The following INSIG2 variants were observed in gnomAD, a reference collection of about 807,000 sequenced individuals.
The protein encoded by INSIG2 is insulin induced gene 2, also known as insulin-induced gene 2 protein.
INSIG2 carries 10 observed loss-of-function variants against 27.2 expected under a neutral mutation model. The ratio of observed to expected loss-of-function variants is 0.37; its 90% CI spans 0.23 to 0.62. INSIG2 has a LOEUF of 0.62. INSIG2 is among the 20% of genes least tolerant of loss of function. The probability of loss-of-function intolerance (pLI) is 0.65; values close to 1 mark genes in which losing one functional copy is unlikely to be tolerated. For missense variants in INSIG2, 178 were observed against 270.2 expected (o/e 0.66, Z 2.39); for synonymous variants, 97 against 95.8 (o/e 1.01, Z -0.07).
intron 3 of INSIG2, among the ~76,000 whole-genome samples, chr2:118,106,023 G>A (rs953303177): frequency 6.6e-6 from 1 of 152,184 alleles, no homozygotes; most frequent in African/African-American, 2.4e-5. Context: ...GCTTAAGTAG[G>A]TGATGAAAAT....
Position 118,096,518 on chromosome 2 carries a change from A to ATTT in INSIG2, c.-28_-26dup. 21 of 1,385,400 alleles carry ATTT rather than the reference A, an allele frequency of 1.5e-5. No individual in the cohort carries two copies. The highest frequency in any genetic ancestry group is 4.4e-5 in the Admixed American group (2 of 45,002). The allele number at this position is 1,385,400 out of a possible 1,614,324, so 85.8% of individuals were successfully genotyped here. A position where few individuals can be genotyped will look rare whatever the true frequency, so the allele number is the denominator to read the frequency against. The stretch of plus-strand genomic sequence containing the variant: ...AGCTTTTCAGCTGGGAAGCCTTTCC[A>ATTT]TTTTTTTTTTTTTAACGGCTTTCTG... On this transcript the variant is annotated 5_prime_UTR_variant, in exon 2 of 6. Transcript: ENST00000245787.
rs78663648 is a variant in INSIG2, at chr2:118,108,816, A to C, written c.*494A>C. On this transcript the variant is annotated 3_prime_UTR_variant, in exon 6 of 6. Transcript: ENST00000245787. ...ACTGTTGTGCCTTTTTATTTTTCTA[A>C]TCACAGCAGTATGAGTTATGAGTGC... 0.031 allele frequency: 4,767 copies of C among 152,622 alleles called. 94 individuals are homozygous for C. Among genetic ancestry groups the C allele is most frequent in the Middle Eastern group, 0.075 (22 of 292 alleles). 9.5% of individuals were successfully genotyped at this position (152,622 alleles called of 1,614,324 possible). A position where few individuals can be genotyped will look rare whatever the true frequency, so the allele number is the denominator to read the frequency against.
At chr2:118,098,610 C>G (rs979225815) in intron 2 of INSIG2, among the ~76,000 whole-genome samples, 3 of 152,206 alleles carry the variant, frequency 2.0e-5, no homozygotes, top group Non-Finnish European at 4.4e-5. Flanking sequence ...TGCATTTGGG[C>G]TGGGGCAGGA....
At chr2:118,105,126 C>T (rs1355024563) in intron 3 of INSIG2, among the ~76,000 whole-genome samples, 6 of 152,248 alleles carry the variant, frequency 3.9e-5, no homozygotes, top group South Asian at 2.1e-4. Flanking sequence ...CTGCAAGCTT[C>T]GCCTCCCGGG....
intron 1 of INSIG2, among the ~76,000 whole-genome samples, chr2:118,094,611 CTAAG>C (rs1051005667): frequency 1.3e-5 from 2 of 152,146 alleles, no homozygotes; most frequent in African/African-American, 2.4e-5. Context: ...ACATTATAGA[CTAAG>C]TAGGTCAGTG....
intron 5 of INSIG2, among the ~76,000 whole-genome samples, chr2:118,107,981 C>T (rs62164898): frequency 0.045 from 6,792 of 152,204 alleles, 165 homozygotes; most frequent in Middle Eastern, 0.078. Flanking sequence ...TGCTTCCTTT[C>T]GACATTAAAA....
intron 4 of INSIG2, 49 bp downstream of exon 4, chr2:118,106,952 A>T: frequency 6.3e-7 from 1 of 1,586,722 alleles, no homozygotes; most frequent in South Asian, 1.1e-5. Context: ...AGATAAATAA[A>T]TGATAACCGC....
intron 1 of INSIG2, among the ~76,000 whole-genome samples, chr2:118,092,646 T>C (rs1307626070): frequency 1.3e-5 from 2 of 152,212 alleles, no homozygotes; most frequent in African/African-American, 4.8e-5. Context: ...GCATGTCATG[T>C]GACCATAAGC....
rs553845082 is a variant in INSIG2 at position 118,110,017 on chromosome 2, T to C, written c.*1695T>C. 72 of 152,758 alleles carry C rather than the reference T, an allele frequency of 4.7e-4. No homozygotes were observed. The highest frequency in any genetic ancestry group is 2.5e-3 in the Admixed American group (38 of 15,304). 9.5% of individuals were successfully genotyped at this position (152,758 alleles called of 1,614,324 possible). Reference sequence around the variant, plus strand: ...AAGCAACACGTATTAAATATGTAATTATCATCTGGGTTAAGAGTCTGTTTT... The same window carrying C: ...AAGCAACACGTATTAAATATGTAATCATCATCTGGGTTAAGAGTCTGTTTT... On this transcript the variant is annotated 3_prime_UTR_variant, in exon 6 of 6. Coordinates refer to ENST00000245787, the MANE Select transcript of INSIG2 (RefSeq NM_016133.4).
Position 118,107,175 on chromosome 2 carries a change from C to T in INSIG2, c.622C>T (p.Arg208Ter), listed in dbSNP as rs751135931. ...AGGCATAACAATGGGAAACATTGGT[C>T]GACAACTGGCAATGGTAAGCTGATG... ...AGGITMGNIG[R>*]QLAMYECKVI... Residue 208 changes from arginine (R) to a stop codon, truncating the protein, a stop_gained, in exon 5 of 6, where the codon CGA becomes TGA. Coordinates refer to ENST00000245787, the MANE Select transcript of INSIG2 (RefSeq NM_016133.4). LOFTEE classifies it high-confidence loss of function. 20 of 1,609,286 alleles carry T rather than the reference C, an allele frequency of 1.2e-5. No homozygotes were observed. In the South Asian group the frequency reaches 2.1e-4, roughly 17 times the overall value.
intron 2 of INSIG2, among the ~76,000 whole-genome samples, chr2:118,098,489 G>A (rs377353658): frequency 5.0e-4 from 76 of 152,282 alleles, no homozygotes; most frequent in African/African-American, 1.8e-3. Context: ...CATGTCACAT[G>A]CTGGGGAAGG....
rs1678142514 is a variant in INSIG2, at chr2:118,088,515, T to C, written c.-165T>C. ...AAGAGGCGGTAGGGGGTACGGGGGC[T>C]GGTCCCAGAAGATGGCGGAGGCGGG... On this transcript the variant is annotated 5_prime_UTR_variant, in exon 1 of 6. Transcript: ENST00000245787. The C allele has an allele frequency of 6.6e-6, 1 of 152,552 alleles. No individual in the cohort carries two copies. The highest frequency in any genetic ancestry group is 2.4e-5 in the African/African-American group (1 of 41,426). The allele number at this position is 152,552 out of a possible 1,614,324, so 9.4% of individuals were successfully genotyped here. A position where few individuals can be genotyped will look rare whatever the true frequency, so the allele number is the denominator to read the frequency against.
chr2:118,098,649 C>T (rs924208477), intron 2 of INSIG2, among the ~76,000 whole-genome samples: 3 of 152,160 alleles, frequency 2.0e-5, no homozygotes, highest in African/African-American at 7.2e-5. Flanking sequence ...ATTGTACCTC[C>T]ACTATGAAGA....
rs559171543 is a variant in INSIG2, at chr2:118,101,634, G to A, written c.245-1563G>A. 4.6e-5 allele frequency among the ~76,000 whole-genome samples: 7 copies of A among 152,204 alleles called. No individual in the cohort carries two copies. In the South Asian group the frequency reaches 1.2e-3, roughly 27 times the overall value. On this transcript the variant is annotated intron_variant, in intron 2 of 5. Transcript: ENST00000245787. Reference sequence around the variant, plus strand: ...TTATGACCCCTTGAGAAAAAAAGAGGTGATATTCGTTTAACTACATTTCAA... The same window carrying A: ...TTATGACCCCTTGAGAAAAAAAGAGATGATATTCGTTTAACTACATTTCAA...
chr2:118,106,434 G>A (rs1433288710), intron 3 of INSIG2, among the ~76,000 whole-genome samples: 1 of 152,182 alleles, frequency 6.6e-6, no homozygotes, highest in Non-Finnish European at 1.5e-5. Context: ...CTTAAATAAT[G>A]GGTAAAGCCT....
intron 3 of INSIG2, among the ~76,000 whole-genome samples, chr2:118,104,798 C>A (rs543461496): frequency 6.6e-6 from 1 of 152,294 alleles, no homozygotes; most frequent in South Asian, 2.1e-4. Context: ...AGATCTTTCT[C>A]TCTTAGACAC....
intron 3 of INSIG2, among the ~76,000 whole-genome samples, chr2:118,104,250 G>T (rs572988837): frequency 9.2e-5 from 14 of 152,166 alleles, no homozygotes; most frequent in Non-Finnish European, 1.9e-4. Context: ...TGGAGAGAGA[G>T]GGTGGGTCAT....
chr2:118,089,661 A>G (rs1043512318), intron 1 of INSIG2, among the ~76,000 whole-genome samples: 2 of 152,002 alleles, frequency 1.3e-5, no homozygotes, highest in East Asian at 1.9e-4. Flanking sequence ...GTGTTTTGTC[A>G]TTGTGTTATG....
intron 3 of INSIG2, among the ~76,000 whole-genome samples, chr2:118,106,160 TA>T: frequency 1.3e-5 from 2 of 152,312 alleles, no homozygotes; most frequent in Middle Eastern, 6.8e-3. Flanking sequence ...ACAGTTGACA[TA>T]ATAGAAAGGG....
Sources: allele counts gnomAD v4.1 joint callset (sites outside exome capture counted in the v4.1 genomes callset), GRCh38; gene constraint gnomAD v4.1.1; transcripts MANE v1.5; gene names NCBI Gene and HGNC (gene_info 2026-07-23, HGNC 2026-07-21).